The following FBN2 variants were observed in gnomAD, a reference collection of about 807,000 sequenced individuals.
The protein encoded by FBN2 is fibrillin 2.
In FBN2, 105 loss-of-function variants were observed where a neutral mutation model predicts 355.6. The observed-to-expected ratio is 0.30, with a 90% CI of 0.25 to 0.35. The LOEUF (loss-of-function observed/expected upper bound fraction) is 0.35, where lower values mean the gene tolerates loss of function less well. Ranked by LOEUF, FBN2 falls within the 10% of genes least tolerant of loss-of-function variation. The pLI is 1.00. For missense variants in FBN2, 3,280 were observed against 3,758.7 expected, an observed-to-expected ratio of 0.87 and a Z score of 3.33; for synonymous variants, 1,350 against 1,301.2, an observed-to-expected ratio of 1.04 and a Z score of -0.81.
At chr5:128,302,061 T>G (rs1381851060) in intron 46 of FBN2, among the ~76,000 whole-genome samples, 1 of 150,196 alleles carries the variant, frequency 6.7e-6, no homozygotes, top group Non-Finnish European at 1.5e-5. Context: ...GTACAAAGGC[T>G]CTAAGAAACT....
intron 46 of FBN2, 142 bp from the exon 47 acceptor site, chr5:128,301,652 G>A (rs1349324298): frequency 5.1e-6 from 4 of 780,482 alleles, no homozygotes; most frequent in Non-Finnish European, 8.9e-6. Context: ...GAGAAAAATG[G>A]CACATATCAT....
chr5:128,522,632 T>C (rs1409177057), intron 4 of FBN2, among the ~76,000 whole-genome samples: 3 of 151,974 alleles, frequency 2.0e-5, no homozygotes, highest in African/African-American at 4.8e-5. Context: ...TAAAGAGCAA[T>C]AGCAAAAGAA....
At chr5:128,334,671 T>C in intron 31 of FBN2, 48 bp downstream of exon 31, 1 of 1,609,876 alleles carries the variant, frequency 6.2e-7, no homozygotes. Flanking sequence ...AAGTTGGCCT[T>C]TGACATCTGA....
intron 36 of FBN2, among the ~76,000 whole-genome samples, chr5:128,315,479 C>T (rs184880730): frequency 1.3e-5 from 2 of 152,246 alleles, no homozygotes; most frequent in Admixed American, 6.5e-5. Context: ...AAATGCAATA[C>T]CCAAAGGAAT....
chr5:128,364,464 T>C (rs1484443173), intron 18 of FBN2, 136 bp downstream of exon 18: 5 of 881,438 alleles, frequency 5.7e-6, no homozygotes, highest in South Asian at 1.7e-5. Context: ...GATATTTTCC[T>C]GTCAATGTGT....
chr5:128,361,787 T>C lies in FBN2; in HGVS notation c.2490A>G (p.Pro830=), dbSNP rs1751645668. 2 of 1,614,160 alleles carry C rather than the reference T, an allele frequency of 1.2e-6. No homozygotes were observed. The highest frequency in any genetic ancestry group is 1.1e-5 in the South Asian group (1 of 91,090). The change falls in exon 19 of 65, where the codon CCA becomes CCG. Residue 830 remains proline, a synonymous_variant. Coordinates refer to ENST00000262464, the MANE Select transcript of FBN2 (RefSeq NM_001999.4). ...LCDNGLCRNT[P]GSYSCTCPPG... ...GTGGGCACGTACAGCTGTAACTTCCTGGCGTGTTTCGGCACAATCCGTTAT... is the reference window on the plus strand; with the variant it reads ...GTGGGCACGTACAGCTGTAACTTCCCGGCGTGTTTCGGCACAATCCGTTAT...
chr5:128,484,217 C>T (rs1393143914), intron 5 of FBN2, among the ~76,000 whole-genome samples: 1 of 152,110 alleles, frequency 6.6e-6, no homozygotes, highest in Non-Finnish European at 1.5e-5. Flanking sequence ...ATTACTTATG[C>T]ATTAGATGAA....
chr5:128,335,868 A>G, intron 28 of FBN2, 120 bp downstream of exon 28: 1 of 1,048,476 alleles, frequency 9.5e-7, no homozygotes. Flanking sequence ...ATCTGCCCCT[A>G]GTCTTACATT....
At position 128,464,744 on chromosome 5, in the gene FBN2, A is replaced by T; in HGVS notation, c.806T>A (p.Ile269Asn). 1 of 1,613,736 alleles carries T rather than the reference A, an allele frequency of 6.2e-7. No individual in the cohort carries two copies. The highest frequency in any genetic ancestry group is 8.5e-7 in the Non-Finnish European group (1 of 1,179,954). ...QPCRRGFIPN[I>N]RTGACQDVDE... is the part of the protein sequence containing the mutation. The stretch of plus-strand genomic sequence containing the variant: ...CTCACCTTGGCAAGCTCCAGTGCGG[A>T]TGTTGGGGATGAAACCCCGTCGGCA... The change falls in exon 6 of 65, where the codon ATC (isoleucine) becomes AAC (asparagine). Residue 269 changes from isoleucine to asparagine, a missense_variant. Transcript: ENST00000262464.
chr5:128,506,782 C>T (rs1755974000), intron 5 of FBN2, among the ~76,000 whole-genome samples: 1 of 152,062 alleles, frequency 6.6e-6, no homozygotes, highest in South Asian at 2.1e-4. Context: ...AAATTCTCTT[C>T]TATTCTTTAT....
At chr5:128,509,210 C>G (rs1756045123) in intron 5 of FBN2, among the ~76,000 whole-genome samples, 1 of 152,108 alleles carries the variant, frequency 6.6e-6, no homozygotes, top group Non-Finnish European at 1.5e-5. Flanking sequence ...TTTGCTAACT[C>G]TAAATATATG....
At chr5:128,272,613 A>C (rs953102514) in intron 61 of FBN2, among the ~76,000 whole-genome samples, 13 of 151,832 alleles carry the variant, frequency 8.6e-5, no homozygotes, top group Admixed American at 3.9e-4. Flanking sequence ...AAAAATTTTT[A>C]TTACCATTCA....
intron 7 of FBN2, 196 bp downstream of exon 7, chr5:128,446,285 T>C: frequency 1.9e-6 from 1 of 517,884 alleles, no homozygotes; most frequent in Non-Finnish European, 3.5e-6. Context: ...ATGCAAATGC[T>C]CATTGACTCT....
intron 48 of FBN2, among the ~76,000 whole-genome samples, chr5:128,294,523 T>A (rs373759570): frequency 6.6e-6 from 1 of 151,276 alleles, no homozygotes; most frequent in African/African-American, 2.4e-5. Flanking sequence ...TTTTAATGAT[T>A]GCCATTCTAA....
intron 26 of FBN2, 90 bp downstream of exon 26, chr5:128,338,843 C>T: frequency 2.1e-6 from 3 of 1,417,024 alleles, no homozygotes; most frequent in South Asian, 2.3e-5. Flanking sequence ...ACATGCCGTT[C>T]ACAGCCCAGA....
At chr5:128,495,005 G>A (rs1165353597) in intron 5 of FBN2, among the ~76,000 whole-genome samples, 1 of 152,148 alleles carries the variant, frequency 6.6e-6, no homozygotes, top group Non-Finnish European at 1.5e-5. Flanking sequence ...CAGTCATTAT[G>A]AGTATGTCCC....
chr5:128,432,953 C>T (rs1753664051), intron 7 of FBN2, among the ~76,000 whole-genome samples: 1 of 151,872 alleles, frequency 6.6e-6, no homozygotes, highest in Non-Finnish European at 1.5e-5. Context: ...TGAGCAAGAG[C>T]AGGGAAAACT....
Position 128,477,562 on chromosome 5 carries a change from T to A in FBN2, c.629-12641A>T, listed in dbSNP as rs148865225. ...AAAACACAACTACACAACCATGAAG[T>A]TTGCGTAGTACTTTATAGCCATCAT... On this transcript the variant is annotated intron_variant, in intron 5 of 64. Transcript: ENST00000262464. Among the ~76,000 whole-genome samples the A allele has an allele frequency of 8.5e-3, 1,293 of 152,288 alleles. 9 individuals carry two copies. The highest frequency in any genetic ancestry group is 0.011 in the Non-Finnish European group (743 of 68,022).
In FBN2 at chr5:128,446,584, G is replaced by A. The variant is rs769355095; in HGVS notation, c.849C>T (p.Ile283=). Residue 283 remains isoleucine (I), a synonymous_variant, in exon 7 of 65, where the codon ATC becomes ATT. Transcript: ENST00000262464. ...ACQDVDECQA[I]PGICQGGNCI... ...AGTTTCCTCCTTGGCATATCCCTGG[G>A]ATAGCCTGGCATTCATCAACATCTG... 2 of 1,613,766 alleles carry A rather than the reference G, an allele frequency of 1.2e-6. No individual in the cohort carries two copies. The highest frequency in any genetic ancestry group is 1.7e-6 in the Non-Finnish European group (2 of 1,179,774).
Sources: allele counts gnomAD v4.1 joint callset (sites outside exome capture counted in the v4.1 genomes callset), GRCh38; gene constraint gnomAD v4.1.1; transcripts MANE v1.5; gene names NCBI Gene and HGNC (gene_info 2026-07-23, HGNC 2026-07-21).